LRRC4C: variants seen among roughly 807,000 people sequenced by gnomAD.
LRRC4C encodes leucine-rich repeat-containing protein 4C.
In LRRC4C, 5 loss-of-function variants were observed where a neutral mutation model predicts 33.6. That is an observed-to-expected ratio of 0.15 (90% CI 0.08 to 0.31). The LOEUF (loss-of-function observed/expected upper bound fraction) is 0.31. Among genes scored for constraint, LRRC4C ranks in the 10% least tolerant of loss-of-function variants. LRRC4C has a pLI of 1.00. For missense variants in LRRC4C, 560 were observed against 796.7 expected (o/e 0.70, Z 3.58); for synonymous variants, 329 against 302.0 (o/e 1.09, Z -0.93).
intron 2 of LRRC4C, among the ~76,000 whole-genome samples, chr11:40,725,514 T>A (rs918609930): frequency 2.3e-3 from 319 of 138,756 alleles, no homozygotes; most frequent in Non-Finnish European, 4.1e-3. Flanking sequence ...AGACTCTGTT[T>A]AAAAAAAAAA....
At chr11:40,691,505 G>A (rs1004160113) in intron 2 of LRRC4C, among the ~76,000 whole-genome samples, 6 of 152,042 alleles carry the variant, frequency 3.9e-5, no homozygotes, top group African/African-American at 1.2e-4. Flanking sequence ...GAGAAAAAAT[G>A]TAAAACAACT....
chr11:40,277,297 T>G (rs2136407081), intron 4 of LRRC4C, among the ~76,000 whole-genome samples: 1 of 152,254 alleles, frequency 6.6e-6, no homozygotes. Flanking sequence ...ACCCCTGTGG[T>G]TTATTTGTGG....
chr11:40,172,979 G>A (rs946448596), intron 5 of LRRC4C, among the ~76,000 whole-genome samples: 2 of 152,182 alleles, frequency 1.3e-5, no homozygotes, highest in Non-Finnish European at 1.5e-5. Context: ...CACAGAGGAA[G>A]ATCAAGTGAA....
intron 1 of LRRC4C, among the ~76,000 whole-genome samples, chr11:41,108,204 C>G (rs972618280): frequency 6.6e-6 from 1 of 152,030 alleles, no homozygotes. Flanking sequence ...CTTCCCCTAC[C>G]CTTAGCCTTT....
At chr11:41,365,790 T>C (rs1033194167) in intron 1 of LRRC4C, among the ~76,000 whole-genome samples, 2 of 152,190 alleles carry the variant, frequency 1.3e-5, no homozygotes, top group African/African-American at 4.8e-5. Context: ...ATAATGTACC[T>C]GCATGGTGGG....
chr11:41,137,561 G>A (rs1004049795), intron 1 of LRRC4C, among the ~76,000 whole-genome samples: 1 of 152,132 alleles, frequency 6.6e-6, no homozygotes, highest in Non-Finnish European at 1.5e-5. Context: ...GCTGAAAAGA[G>A]TGATCTTTCC....
Position 41,178,646 on chromosome 11 carries a change from G to A in LRRC4C, c.-495-244923C>T, listed in dbSNP as rs149239013. Among the ~76,000 whole-genome samples the A allele has an allele frequency of 2.2e-3, 333 of 152,048 alleles. 1 individual carries two copies. The highest frequency in any genetic ancestry group is 7.6e-3 in the African/African-American group (313 of 41,438). On this transcript the variant is annotated intron_variant, in intron 1 of 6. Transcript: ENST00000528697. The stretch of plus-strand genomic sequence containing the variant: ...TGCTGAGTTTATAGGCATGAACCAC[G>A]TTGCCTAGCCCCAGACTTTCTAAAT...
At chr11:40,734,820 T>C (rs1947773404) in intron 2 of LRRC4C, among the ~76,000 whole-genome samples, 1 of 152,140 alleles carries the variant, frequency 6.6e-6, no homozygotes, top group Non-Finnish European at 1.5e-5. Context: ...CCTAAAGAAG[T>C]AGCACAGCAT....
At chr11:40,802,540 G>C (rs1951081982) in intron 2 of LRRC4C, among the ~76,000 whole-genome samples, 1 of 151,926 alleles carries the variant, frequency 6.6e-6, no homozygotes, top group Non-Finnish European at 1.5e-5. Flanking sequence ...GGAGGATAAG[G>C]AGGAAGAAAA....
chr11:41,009,591 G>A (rs985351975), intron 1 of LRRC4C, among the ~76,000 whole-genome samples: 7 of 152,086 alleles, frequency 4.6e-5, no homozygotes, highest in African/African-American at 1.7e-4. Context: ...GAGAATCTGG[G>A]TGCCTGCAGA....
chr11:41,279,381 A>AACACACACACACACACACAC (rs575973002), intron 1 of LRRC4C, among the ~76,000 whole-genome samples: 1 of 126,384 alleles, frequency 7.9e-6, no homozygotes, highest in South Asian at 2.7e-4. Flanking sequence ...CACACACACA[A>AACACACACACACACACACAC]ACACACACAC....
At chr11:40,450,374 T>G (rs1951829802) in intron 3 of LRRC4C, among the ~76,000 whole-genome samples, 1 of 152,178 alleles carries the variant, frequency 6.6e-6, no homozygotes, top group South Asian at 2.1e-4. Flanking sequence ...TAGGAGAAAG[T>G]GTCTATGACC....
intron 6 of LRRC4C, among the ~76,000 whole-genome samples, chr11:40,122,407 TTC>T (rs1360421728): frequency 1.3e-5 from 2 of 152,052 alleles, no homozygotes; most frequent in Non-Finnish European, 2.9e-5. Context: ...ATGCTCTCCC[TTC>T]CCCCACATCC....
chr11:40,232,575 C>T (rs1865281630), intron 5 of LRRC4C, among the ~76,000 whole-genome samples: 1 of 152,148 alleles, frequency 6.6e-6, no homozygotes, highest in Admixed American at 6.5e-5. Flanking sequence ...ATACAAATAA[C>T]ATTTATTTTT....
At chr11:40,730,378 C>T (rs112677853) in intron 2 of LRRC4C, among the ~76,000 whole-genome samples, 2 of 152,200 alleles carry the variant, frequency 1.3e-5, no homozygotes, top group African/African-American at 4.8e-5. Flanking sequence ...GAACCCCAAA[C>T]GTTATGCATG....
intron 1 of LRRC4C, among the ~76,000 whole-genome samples, chr11:41,113,001 AACAAGT>A (rs1389276765): frequency 6.6e-6 from 1 of 152,154 alleles, no homozygotes; most frequent in Non-Finnish European, 1.5e-5. Context: ...TTAAAAACTA[AACAAGT>A]ACATTTTCTG....
intron 1 of LRRC4C, among the ~76,000 whole-genome samples, chr11:41,036,055 AT>A (rs1446974466): frequency 7.2e-6 from 1 of 138,468 alleles, no homozygotes; most frequent in Non-Finnish European, 1.6e-5. Flanking sequence ...TCCTTTAAAA[AT>A]TTTGTCTTTT....
At chr11:41,445,020 C>A (rs1213446563) in intron 1 of LRRC4C, among the ~76,000 whole-genome samples, 1 of 152,076 alleles carries the variant, frequency 6.6e-6, no homozygotes, top group Non-Finnish European at 1.5e-5. Flanking sequence ...CCAGGCTGGT[C>A]TCCAACTCCC....
chr11:40,632,414 A>G (rs984465503), intron 3 of LRRC4C, among the ~76,000 whole-genome samples: 2 of 152,200 alleles, frequency 1.3e-5, no homozygotes, highest in Admixed American at 1.3e-4. Flanking sequence ...AAGTAGATTG[A>G]TGATGTAGTT....
Sources: gnomAD v4.1 joint callset for allele counts (sites outside exome capture counted in the v4.1 genomes callset) on GRCh38, gnomAD v4.1.1 for gene constraint, MANE v1.5 for transcripts, NCBI Gene and HGNC (gene_info 2026-07-23, HGNC 2026-07-21) for gene names.